The following SLC4A10 variants were observed in gnomAD, a reference collection of about 807,000 sequenced individuals.
SLC4A10 encodes solute carrier family 4 member 10.
A neutral mutation model predicts 137.7 loss-of-function variants in SLC4A10; 42 were observed. The ratio of observed to expected loss-of-function variants is 0.30; its 90% CI spans 0.24 to 0.39. The LOEUF (loss-of-function observed/expected upper bound fraction) is 0.39, where lower values mean the gene tolerates loss of function less well. Ranked by LOEUF, SLC4A10 falls within the 10% of genes least tolerant of loss-of-function variation. SLC4A10 has a pLI of 1.00. For missense variants in SLC4A10, 925 were observed against 1,355.0 expected, an observed-to-expected ratio of 0.68 and a Z score of 4.98; for synonymous variants, 474 against 464.1, an observed-to-expected ratio of 1.02 and a Z score of -0.27.
intron 1 of SLC4A10, among the ~76,000 whole-genome samples, chr2:161,724,297 AT>A (rs1306308066): frequency 1.3e-5 from 2 of 152,308 alleles, no homozygotes; most frequent in East Asian, 3.9e-4. Flanking sequence ...AAGGCTCACC[AT>A]TACTTTCAAG....
At chr2:161,774,288 T>G (rs1290529047) in intron 2 of SLC4A10, among the ~76,000 whole-genome samples, 2 of 151,942 alleles carry the variant, frequency 1.3e-5, no homozygotes, top group African/African-American at 4.8e-5. Context: ...CTACTTTCCC[T>G]TTAACACATG....
chr2:161,957,016 T>C lies in SLC4A10; in HGVS notation c.2569T>C (p.Leu857=), dbSNP rs745555559. The C allele has an allele frequency of 6.3e-7, 1 of 1,597,280 alleles. No homozygotes were observed. The highest frequency in any genetic ancestry group is 1.1e-5 in the South Asian group (1 of 88,348). ...KKGCGYHLDL[L]MVAVMLGVCS... ...AGGTTGTGGGTACCATCTGGACCTATTAATGGTGGCTGTCATGCTCGGTGT... is the reference window on the plus strand; with the variant it reads ...AGGTTGTGGGTACCATCTGGACCTACTAATGGTGGCTGTCATGCTCGGTGT... Residue 857 remains leucine, a synonymous_variant, in exon 20 of 27, where the codon TTA becomes CTA. Transcript: ENST00000446997.
intron 26 of SLC4A10, among the ~76,000 whole-genome samples, chr2:161,981,940 A>G (rs2106027454): frequency 6.6e-6 from 1 of 152,318 alleles, no homozygotes; most frequent in African/African-American, 2.4e-5. Context: ...GGTGGTGGTG[A>G]CAACTGAGAA....
At position 161,855,061 on chromosome 2, in the gene SLC4A10, T is replaced by C; in HGVS notation, c.508T>C (p.Leu170=). The C allele has an allele frequency of 1.9e-6, 3 of 1,613,528 alleles. No homozygotes were observed. Among genetic ancestry groups the C allele is most frequent in the Non-Finnish European group, 2.5e-6 (3 of 1,179,642 alleles). ...ATLSLHSLFE[L]RSCILNGTVL... The stretch of plus-strand genomic sequence containing the variant: ...TCTTTCATTGCACAGCTTGTTTGAA[T>C]TGAGAAGTTGTATTCTGAATGGAAC... Residue 170 remains leucine (L), a synonymous_variant, in exon 5 of 27, where the codon TTG becomes CTG. Coordinates refer to ENST00000446997, the MANE Select transcript of SLC4A10 (RefSeq NM_001178015.2).
intron 1 of SLC4A10, among the ~76,000 whole-genome samples, chr2:161,679,686 C>CGTGTGTGTGTGTGT (rs67726464): frequency 4.5e-4 from 62 of 136,738 alleles, no homozygotes; most frequent in African/African-American, 1.4e-3. Flanking sequence ...TGTAGGTCAA[C>CGTGTGTGTGTGTGT]GTGTGTGTGT....
chr2:161,712,225 C>G (rs2044368835), intron 1 of SLC4A10, among the ~76,000 whole-genome samples: 1 of 151,838 alleles, frequency 6.6e-6, no homozygotes, highest in South Asian at 2.1e-4. Flanking sequence ...CATCTACCTG[C>G]TAGGCTGATC....
At position 161,698,381 on chromosome 2, in the gene SLC4A10, T is replaced by C. The variant is rs904635864; in HGVS notation, c.49-72592T>C. Among the ~76,000 whole-genome samples the C allele has an allele frequency of 2.0e-5, 3 of 152,332 alleles. No individual in the cohort carries two copies. The South Asian group carries it at 6.2e-4, about 32-fold the overall frequency. On this transcript the variant is annotated intron_variant, in intron 1 of 26. Transcript: ENST00000446997. The stretch of plus-strand genomic sequence containing the variant: ...GGTGAGAGAGGGCATCCCTGTCTTG[T>C]GCCAGTTTTCAAAGGGAATGCTTCC...
intron 1 of SLC4A10, among the ~76,000 whole-genome samples, chr2:161,739,736 A>C (rs1457601497): frequency 6.6e-6 from 1 of 152,176 alleles, no homozygotes; most frequent in Non-Finnish European, 1.5e-5. Flanking sequence ...CAGACAGAAC[A>C]GTTCTTATTG....
chr2:161,695,448 A>C (rs2042392132), intron 1 of SLC4A10, among the ~76,000 whole-genome samples: 1 of 152,088 alleles, frequency 6.6e-6, no homozygotes, highest in Non-Finnish European at 1.5e-5. Context: ...ATCCTTCAGG[A>C]GGTACGATTT....
In SLC4A10 at chr2:161,889,214, A is replaced by G. The variant is rs140740539; in HGVS notation, c.1195-5465A>G. Among the ~76,000 whole-genome samples, 125 of 152,300 alleles carry G rather than the reference A, an allele frequency of 8.2e-4. 1 individual carries two copies. Among genetic ancestry groups the G allele is most frequent in the Middle Eastern group, 3.4e-3 (1 of 294 alleles). Reference sequence around the variant, plus strand: ...TATTTTGCTGAGGATTTTTGCATCAATGTTCATCAGGGATATCGGCCTGAA... The same window carrying G: ...TATTTTGCTGAGGATTTTTGCATCAGTGTTCATCAGGGATATCGGCCTGAA... On this transcript the variant is annotated intron_variant, in intron 10 of 26. Transcript: ENST00000446997.
chr2:161,887,423 C>T (rs1559464730), intron 10 of SLC4A10, among the ~76,000 whole-genome samples: 1 of 152,102 alleles, frequency 6.6e-6, no homozygotes, highest in African/African-American at 2.4e-5. Context: ...CTAATTTACA[C>T]TTCCACCAAC....
intron 12 of SLC4A10, 90 bp downstream of exon 12, chr2:161,901,101 T>C (rs1683009330): frequency 2.1e-6 from 2 of 947,338 alleles, no homozygotes; most frequent in South Asian, 1.4e-5. Flanking sequence ...ATCTAATTTA[T>C]TGTATACTTT....
chr2:161,685,536 A>T (rs1559026360), intron 1 of SLC4A10, among the ~76,000 whole-genome samples: 1 of 152,058 alleles, frequency 6.6e-6, no homozygotes, highest in South Asian at 2.1e-4. Context: ...TGAACCCAAG[A>T]GGTGGAGGTT....
chr2:161,686,162 GA>G, intron 1 of SLC4A10, among the ~76,000 whole-genome samples: 1 of 152,198 alleles, frequency 6.6e-6, no homozygotes, highest in Non-Finnish European at 1.5e-5. Flanking sequence ...TAGCATATAT[GA>G]TACTCAAAGG....
At chr2:161,679,660 T>A (rs1267032198) in intron 1 of SLC4A10, among the ~76,000 whole-genome samples, 4 of 149,582 alleles carry the variant, frequency 2.7e-5, no homozygotes, top group Non-Finnish European at 5.9e-5. Flanking sequence ...GCTTTTATTT[T>A]TTTTTTAACC....
At chr2:161,888,599 T>C (rs1227808169) in intron 10 of SLC4A10, among the ~76,000 whole-genome samples, 1 of 152,146 alleles carries the variant, frequency 6.6e-6, no homozygotes, top group Non-Finnish European at 1.5e-5. Flanking sequence ...GTGTCTGTTA[T>C]TGGTGTATAG....
chr2:161,695,823 A>G (rs1296834172), intron 1 of SLC4A10, among the ~76,000 whole-genome samples: 1 of 152,210 alleles, frequency 6.6e-6, no homozygotes, highest in Admixed American at 6.6e-5. Context: ...AATAAACACT[A>G]AAGAGAACAA....
chr2:161,826,851 A>T (rs577351683), intron 3 of SLC4A10, among the ~76,000 whole-genome samples: 2 of 152,296 alleles, frequency 1.3e-5, no homozygotes, highest in East Asian at 3.9e-4. Context: ...ATTGAAAATT[A>T]GGCTAGCCAG....
intron 9 of SLC4A10, among the ~76,000 whole-genome samples, 153 bp from the exon 10 acceptor site, chr2:161,882,204 T>G (rs2061847842): frequency 6.6e-6 from 1 of 151,694 alleles, no homozygotes; most frequent in African/African-American, 2.4e-5. Flanking sequence ...CATGGTAAAA[T>G]TTTTCAAAAT....
Sources: gnomAD v4.1 joint callset for allele counts (sites outside exome capture counted in the v4.1 genomes callset) on GRCh38, gnomAD v4.1.1 for gene constraint, MANE v1.5 for transcripts, NCBI Gene and HGNC (gene_info 2026-07-23, HGNC 2026-07-21) for gene names.